MRPL48: variants seen among roughly 807,000 people sequenced by gnomAD.
MRPL48 encodes the protein large ribosomal subunit protein mL48.
In MRPL48, 16 loss-of-function variants were observed where a neutral mutation model predicts 32.9. The ratio of observed to expected loss-of-function variants is 0.49; its 90% CI spans 0.33 to 0.74. The LOEUF is 0.74. MRPL48 is among the 30% of genes least tolerant of loss of function. The pLI is 0.02. For missense variants in MRPL48, 206 were observed against 245.3 expected (o/e 0.84, Z 1.07); for synonymous variants, 94 against 89.2 (o/e 1.05, Z -0.31).
intron 3 of MRPL48, among the ~76,000 whole-genome samples, chr11:73,824,480 G>T (rs1000322032): frequency 6.6e-6 from 1 of 151,928 alleles, no homozygotes; most frequent in Non-Finnish European, 1.5e-5. Context: ...AGCTACTCAG[G>T]AGGCTGAGGC....
At chr11:73,793,144 C>A (rs970373304) in intron 1 of MRPL48, among the ~76,000 whole-genome samples, 39 of 152,198 alleles carry the variant, frequency 2.6e-4, no homozygotes, top group Admixed American at 2.4e-3. Flanking sequence ...CAGCTCACTA[C>A]AACCTCTGCC....
intron 3 of MRPL48, among the ~76,000 whole-genome samples, chr11:73,824,418 C>G (rs1395344919): frequency 6.6e-6 from 1 of 151,896 alleles, no homozygotes; most frequent in East Asian, 2.0e-4. Context: ...AACCCCGACT[C>G]TACTGAAAAT....
chr11:73,788,046 A>T (rs565705406), intron 1 of MRPL48, 54 bp downstream of exon 1: 2 of 1,459,814 alleles, frequency 1.4e-6, no homozygotes, highest in African/African-American at 2.8e-5. Context: ...CGGTGCAGAG[A>T]GGGGAGATGG....
intron 4 of MRPL48, among the ~76,000 whole-genome samples, chr11:73,831,312 G>A (rs995096333): frequency 2.6e-5 from 4 of 152,064 alleles, no homozygotes; most frequent in Admixed American, 1.3e-4. Flanking sequence ...ATTTCAGCTC[G>A]CTTACAGTAT....
At chr11:73,793,081 T>C (rs1266536725) in intron 1 of MRPL48, among the ~76,000 whole-genome samples, 1 of 152,264 alleles carries the variant, frequency 6.6e-6, no homozygotes, top group East Asian at 1.9e-4. Flanking sequence ...TTTATTTATT[T>C]TGAGATGGAG....
chr11:73,805,195 C>T (rs1410776682), intron 2 of MRPL48, 116 bp downstream of exon 2: 3 of 796,954 alleles, frequency 3.8e-6, no homozygotes, highest in South Asian at 3.9e-5. Context: ...TCATGCATCT[C>T]CCCTGCCACC....
At chr11:73,813,326 C>G (rs1947602286) in intron 3 of MRPL48, among the ~76,000 whole-genome samples, 1 of 151,628 alleles carries the variant, frequency 6.6e-6, no homozygotes, top group Non-Finnish European at 1.5e-5. Context: ...AATGTGCCAC[C>G]ACGCCTGGCT....
chr11:73,856,699 A>C (rs1319435966), intron 5 of MRPL48, among the ~76,000 whole-genome samples: 1 of 152,196 alleles, frequency 6.6e-6, no homozygotes, highest in Non-Finnish European at 1.5e-5. Context: ...ACTTGTATAA[A>C]GTGAAGCTCC....
chr11:73,807,290 T>A lies in MRPL48; in HGVS notation c.75-1023T>A, dbSNP rs141450259. Among the ~76,000 whole-genome samples, 292 of 152,324 alleles carry A rather than the reference T, an allele frequency of 1.9e-3. 1 individual carries two copies. Among genetic ancestry groups the A allele is most frequent in the African/African-American group, 6.4e-3 (268 of 41,582 alleles). On this transcript the variant is annotated intron_variant, in intron 2 of 7. Transcript: ENST00000310614. ...CCACAGGATATAAAATAATGTATTG[T>A]ACATCTTCCCGAACTACTCGGCACT...
chr11:73,809,595 A>G (rs983897813), intron 3 of MRPL48, among the ~76,000 whole-genome samples: 7 of 152,060 alleles, frequency 4.6e-5, no homozygotes, highest in Non-Finnish European at 8.8e-5. Context: ...ACTGCCTTGT[A>G]TGTCCATCAT....
chr11:73,850,888 G>A (rs1948377373), intron 5 of MRPL48: 2 of 248,186 alleles, frequency 8.1e-6, no homozygotes, highest in South Asian at 4.7e-5. Context: ...ATGTTAGCCA[G>A]GATGGTCTCG....
intron 3 of MRPL48, among the ~76,000 whole-genome samples, chr11:73,814,600 CAGG>C (rs901938445): frequency 2.6e-5 from 4 of 151,408 alleles, no homozygotes; most frequent in African/African-American, 9.7e-5. Flanking sequence ...GAGGCTGAGG[CAGG>C]AGAATTGCTT....
intron 6 of MRPL48, among the ~76,000 whole-genome samples, chr11:73,860,964 C>A (rs1444620104): frequency 6.6e-6 from 1 of 152,084 alleles, no homozygotes. Context: ...CATTAAATGG[C>A]CTTTTGTGTC....
chr11:73,829,920 A>G (rs1180609865), intron 4 of MRPL48, among the ~76,000 whole-genome samples: 1 of 151,388 alleles, frequency 6.6e-6, no homozygotes, highest in Non-Finnish European at 1.5e-5. Flanking sequence ...GTATACCACT[A>G]CACCCGGCTC....
intron 7 of MRPL48, among the ~76,000 whole-genome samples, 166 bp downstream of exon 7, chr11:73,863,427 C>A (rs1948618558): frequency 6.6e-6 from 1 of 152,094 alleles, no homozygotes; most frequent in African/African-American, 2.4e-5. Flanking sequence ...GATCATTAGT[C>A]CAGCTTCTGA....
rs775899103 is a variant in MRPL48 at position 73,825,693 on chromosome 11, T to G, written c.113-15T>G. The G allele has an allele frequency of 6.5e-7, 1 of 1,548,306 alleles. No individual in the cohort carries two copies. Among genetic ancestry groups the G allele is most frequent in the Non-Finnish European group, 8.7e-7 (1 of 1,144,754 alleles). ...ACAACAAAAAAACAGGTTTGTCTTA[T>G]TTTCTCTCTTTTAGGTGGAATTCTA... On this transcript the variant is annotated splice_polypyrimidine_tract_variant and intron_variant, in intron 3 of 7. Coordinates refer to ENST00000310614, the MANE Select transcript of MRPL48 (RefSeq NM_016055.6).
At chr11:73,847,044 T>C (rs1948305404) in intron 5 of MRPL48, among the ~76,000 whole-genome samples, 1 of 151,486 alleles carries the variant, frequency 6.6e-6, no homozygotes, top group Non-Finnish European at 1.5e-5. Flanking sequence ...AACTGCAACC[T>C]CTGCCTCCCT....
At chr11:73,850,421 A>G (rs7101416) in intron 5 of MRPL48, 2,868 of 283,114 alleles carry the variant, frequency 0.01, 75 homozygotes, top group African/African-American at 0.061. Context: ...CTTACCTCTT[A>G]TGAGATGACC....
At chr11:73,814,363 G>T (rs991206496) in intron 3 of MRPL48, among the ~76,000 whole-genome samples, 2 of 151,618 alleles carry the variant, frequency 1.3e-5, no homozygotes, top group African/African-American at 4.8e-5. Flanking sequence ...CTGTGCTCTA[G>T]CCTGGAAGAC....
Sources: gnomAD v4.1 joint callset for allele counts (sites outside exome capture counted in the v4.1 genomes callset) on GRCh38, gnomAD v4.1.1 for gene constraint, MANE v1.5 for transcripts, NCBI Gene and HGNC (gene_info 2026-07-23, HGNC 2026-07-21) for gene names.